CHST3: variants seen among roughly 807,000 people sequenced by gnomAD.
CHST3 encodes carbohydrate sulfotransferase 3, also known as C6ST-1.
A neutral mutation model predicts 35.4 loss-of-function variants in CHST3; 20 were observed. The observed-to-expected ratio is 0.57, with a 90% CI of 0.40 to 0.82. The LOEUF (loss-of-function observed/expected upper bound fraction) is 0.82, where lower values mean the gene tolerates loss of function less well. Ranked by LOEUF, CHST3 falls within the 40% of genes least tolerant of loss-of-function variation. CHST3 has a pLI of 0.00. For missense variants in CHST3, 693 were observed against 670.1 expected (o/e 1.03, Z -0.38); for synonymous variants, 334 against 295.9 (o/e 1.13, Z -1.32).
chr10:72,004,097 G>A (rs1485737018), intron 1 of CHST3, among the ~76,000 whole-genome samples: 1 of 152,118 alleles, frequency 6.6e-6, no homozygotes, highest in Non-Finnish European at 1.5e-5. Context: ...AATTGCTTGA[G>A]GCAGAGGTTG....
intron 1 of CHST3, among the ~76,000 whole-genome samples, chr10:72,000,575 G>A (rs906381654): frequency 4.6e-5 from 7 of 152,312 alleles, no homozygotes; most frequent in African/African-American, 1.7e-4. Context: ...GAAGCCCCCA[G>A]GTGGGGAGTG....
chr10:71,989,184 A>AAAGG (rs1227102616), intron 1 of CHST3, among the ~76,000 whole-genome samples: 1 of 152,106 alleles, frequency 6.6e-6, no homozygotes, highest in Non-Finnish European at 1.5e-5. Context: ...AAAGAAAAAG[A>AAAGG]AAGGAAGGAA....
At chr10:71,991,576 C>A (rs1182159093) in intron 1 of CHST3, among the ~76,000 whole-genome samples, 3 of 152,148 alleles carry the variant, frequency 2.0e-5, no homozygotes, top group Admixed American at 2.0e-4. Flanking sequence ...ACCACTGCAA[C>A]AAAATTAATA....
intron 1 of CHST3, among the ~76,000 whole-genome samples, chr10:72,000,606 GGT>G (rs1360167978): frequency 6.6e-6 from 1 of 152,156 alleles, no homozygotes; most frequent in Non-Finnish European, 1.5e-5. Flanking sequence ...CCAGGGTGGG[GGT>G]GTTGGGAGAA....
chr10:71,976,030 A>G (rs1839741753), intron 1 of CHST3, among the ~76,000 whole-genome samples: 1 of 152,042 alleles, frequency 6.6e-6, no homozygotes, highest in Non-Finnish European at 1.5e-5. Context: ...AGGAGGGAGG[A>G]GCCAGCTTGC....
At chr10:71,999,046 G>C (rs1839967588) in intron 1 of CHST3, among the ~76,000 whole-genome samples, 3 of 152,210 alleles carry the variant, frequency 2.0e-5, no homozygotes, top group Non-Finnish European at 4.4e-5. Context: ...ACACACTCCT[G>C]ATTGGGTGGC....
In CHST3 at chr10:72,006,516, A is replaced by G. The variant is rs1306280855; in HGVS notation, c.140+534A>G. On this transcript the variant is annotated intron_variant, in intron 2 of 2. Coordinates refer to ENST00000373115, the MANE Select transcript of CHST3 (RefSeq NM_004273.5). ...GATACTCTGATGGGCAAGGCTGCCA[A>G]TGTGCAGCTGCCAAGTTGTGTACTG... 2.0e-5 allele frequency among the ~76,000 whole-genome samples: 3 copies of G among 152,306 alleles called. No individual in the cohort carries two copies. In the South Asian group the frequency reaches 6.2e-4, roughly 32 times the overall value.
chr10:72,008,214 C>A lies in CHST3; in HGVS notation c.1183C>A (p.Pro395Thr). ...MYRFAGIPLTPQVEDWIQKNT... is the reference protein window; with the variant it reads ...MYRFAGIPLTTQVEDWIQKNT... The stretch of plus-strand genomic sequence containing the variant: ...CCGCTTCGCCGGCATCCCCCTGACC[C>A]CGCAGGTGGAAGACTGGATCCAAAA... The change falls in exon 3 of 3, where the codon CCG becomes ACG. Residue 395 changes from proline to threonine, a missense_variant. Coordinates refer to ENST00000373115, the MANE Select transcript of CHST3 (RefSeq NM_004273.5). 6.4e-7 allele frequency: 1 copy of A among 1,554,602 alleles called. No homozygotes were observed. Among genetic ancestry groups the A allele is most frequent in the South Asian group, 1.2e-5 (1 of 84,316 alleles).
chr10:72,002,237 A>G (rs563180144), intron 1 of CHST3, among the ~76,000 whole-genome samples: 2 of 152,272 alleles, frequency 1.3e-5, no homozygotes, highest in East Asian at 3.9e-4. Context: ...CAGCGTCAAG[A>G]AGGATCTTAG....
rs35366073 is a variant in CHST3 at position 71,997,682 on chromosome 10, A to ATTTT, written c.-107-8038_-107-8035dup. On this transcript the variant is annotated intron_variant, in intron 1 of 2. Coordinates refer to ENST00000373115, the MANE Select transcript of CHST3 (RefSeq NM_004273.5). ...ATGTAGAGAGACCCTGTCTCCATAA[A>ATTTT]TTTTTTTTTTTTTTTTTTTGAGACG... is the stretch of plus-strand genomic sequence containing the variant. Among the ~76,000 whole-genome samples the ATTTT allele has an allele frequency of 1.4e-3, 195 of 135,396 alleles. 2 individuals are homozygous for ATTTT. The highest frequency in any genetic ancestry group is 3.4e-3 in the African/African-American group (126 of 36,642). 88.8% of individuals were successfully genotyped at this position (135,396 alleles called of 152,430 possible).
intron 1 of CHST3, among the ~76,000 whole-genome samples, chr10:71,966,620 T>A (rs1839634220): frequency 6.6e-6 from 1 of 152,112 alleles, no homozygotes; most frequent in African/African-American, 2.4e-5. Flanking sequence ...AAAGAGGAGG[T>A]GATCTGGGCT....
chr10:72,008,494 C>T lies in CHST3; in HGVS notation c.*23C>T. The T allele has an allele frequency of 1.3e-6, 2 of 1,493,130 alleles. No homozygotes were observed. The highest frequency in any genetic ancestry group is 2.5e-5 in the East Asian group (1 of 40,618). The allele number at this position is 1,493,130 out of a possible 1,614,324, so 92.5% of individuals were successfully genotyped here. On this transcript the variant is annotated 3_prime_UTR_variant, in exon 3 of 3. Coordinates refer to ENST00000373115, the MANE Select transcript of CHST3 (RefSeq NM_004273.5). Reference sequence around the variant, plus strand: ...TAGGGGGGCCGGGGCCCCGTATGCCCCTCCTCGTGAAAGGCCTGCCCCGTC... The same window carrying T: ...TAGGGGGGCCGGGGCCCCGTATGCCTCTCCTCGTGAAAGGCCTGCCCCGTC...
chr10:71,986,034 A>C (rs1045310217), intron 1 of CHST3, among the ~76,000 whole-genome samples: 1 of 152,200 alleles, frequency 6.6e-6, no homozygotes, highest in African/African-American at 2.4e-5. Flanking sequence ...AATTCATCCA[A>C]GTTATTGTAT....
In CHST3 at chr10:72,007,849, A is replaced by G. The variant is rs751135376; in HGVS notation, c.818A>G (p.Lys273Arg). The change falls in exon 3 of 3, where the codon AAG becomes AGG. Residue 273 changes from lysine to arginine, a missense_variant. Transcript: ENST00000373115. ...CGCCGCAAGGAGCACATGGCCCTCA[A>G]GGCGGTGCGCATCCGGCAGCTGGAG... ...ACRRKEHMALKAVRIRQLEFL... is the reference protein window; with the variant it reads ...ACRRKEHMALRAVRIRQLEFL... The G allele has an allele frequency of 3.7e-6, 6 of 1,604,524 alleles. No individual in the cohort carries two copies. The highest frequency in any genetic ancestry group is 5.1e-6 in the Non-Finnish European group (6 of 1,178,204).
Position 72,007,346 on chromosome 10 carries a change from A to G in CHST3, c.315A>G (p.Pro105=). Residue 105 remains proline, a synonymous_variant, in exon 3 of 3, where the codon CCA becomes CCG. Transcript: ENST00000373115. ...TCAGCTTGCAGCTGGGCGTGGAGCC[A>G]GCCATGGAGGCCGCAGGGGAGGAAG... ...RNLSLQLGVE[P]AMEAAGEEEE... 6.2e-7 allele frequency: 1 copy of G among 1,609,550 alleles called. No individual in the cohort carries two copies. Among genetic ancestry groups the G allele is most frequent in the Non-Finnish European group, 8.5e-7 (1 of 1,178,024 alleles).
At chr10:71,988,812 A>C (rs1839872486) in intron 1 of CHST3, among the ~76,000 whole-genome samples, 1 of 152,142 alleles carries the variant, frequency 6.6e-6, no homozygotes, top group Non-Finnish European at 1.5e-5. Context: ...GATTCTTCTC[A>C]TCAAAGTGCT....
rs779115203 is a variant in CHST3, at chr10:72,008,333, C to A, written c.1302C>A (p.Phe434Leu). ...QFEKWRFSMP[F>L]KLAQVVQAAC... ...AGAAGTGGCGCTTCAGCATGCCCTT[C>A]AAGCTGGCCCAGGTGGTGCAGGCCG... The change falls in exon 3 of 3, where the codon TTC becomes TTA. Residue 434 changes from phenylalanine (F) to leucine (L), a missense_variant. Coordinates refer to ENST00000373115, the MANE Select transcript of CHST3 (RefSeq NM_004273.5). The A allele has an allele frequency of 5.7e-6, 9 of 1,573,620 alleles. No individual in the cohort carries two copies. The East Asian group carries it at 1.2e-4, about 20-fold the overall frequency.
In CHST3 at chr10:72,008,310, A is replaced by G; in HGVS notation, c.1279A>G (p.Lys427Glu). The G allele has an allele frequency of 6.3e-7, 1 of 1,582,960 alleles. No homozygotes were observed. The highest frequency in any genetic ancestry group is 1.2e-5 in the South Asian group (1 of 86,430). Residue 427 changes from lysine to glutamate, a missense_variant, in exon 3 of 3, where the codon AAG becomes GAG. Lys to Glu is a moderately conservative substitution (Grantham distance 56, BLOSUM62 1). Coordinates refer to ENST00000373115, the MANE Select transcript of CHST3 (RefSeq NM_004273.5). Reference sequence around the variant, plus strand: ...GAAGAACTCCTCGGAGCAGTTCGAGAAGTGGCGCTTCAGCATGCCCTTCAA... The same window carrying G: ...GAAGAACTCCTCGGAGCAGTTCGAGGAGTGGCGCTTCAGCATGCCCTTCAA... ...TQKNSSEQFEKWRFSMPFKLA... is the reference protein window; with the variant it reads ...TQKNSSEQFEEWRFSMPFKLA...
intron 1 of CHST3, among the ~76,000 whole-genome samples, chr10:71,997,260 G>A (rs1011547954): frequency 1.8e-4 from 27 of 152,090 alleles, no homozygotes; most frequent in African/African-American, 6.3e-4. Context: ...CTGCCTCTAT[G>A]ATTTTGGCGC....
Sources: allele counts gnomAD v4.1 joint callset (sites outside exome capture counted in the v4.1 genomes callset), GRCh38; gene constraint gnomAD v4.1.1; transcripts MANE v1.5; gene names NCBI Gene and HGNC (gene_info 2026-07-23, HGNC 2026-07-21).